The following DUSP16 variants were observed in gnomAD, a reference collection of about 807,000 sequenced individuals.
The protein encoded by DUSP16 is dual specificity phosphatase 16, also known as dual specificity protein phosphatase 16.
A neutral mutation model predicts 58.3 loss-of-function variants in DUSP16; 21 were observed. The observed-to-expected ratio is 0.36, with a 90% confidence interval of 0.26 to 0.52. DUSP16 has a LOEUF of 0.52. Ranked by LOEUF, DUSP16 falls within the 20% of genes least tolerant of loss-of-function variation. The probability of loss-of-function intolerance (pLI) is 0.94; values close to 1 mark genes in which losing one functional copy is unlikely to be tolerated. For missense variants in DUSP16, 726 were observed against 819.0 expected (o/e 0.89, Z 1.39); for synonymous variants, 320 against 323.8 (o/e 0.99, Z 0.12).
intron 3 of DUSP16, among the ~76,000 whole-genome samples, chr12:12,515,633 G>A (rs1039028082): frequency 6.6e-6 from 1 of 150,966 alleles, no homozygotes; most frequent in Non-Finnish European, 1.5e-5. Flanking sequence ...TGGCCAATAT[G>A]AATTCTTAAG....
intron 1 of DUSP16, among the ~76,000 whole-genome samples, chr12:12,541,997 C>T (rs1944566318): frequency 6.6e-6 from 1 of 152,130 alleles, no homozygotes; most frequent in Admixed American, 6.5e-5. Context: ...ATACCAGCTA[C>T]AATATGGGAG....
chr12:12,540,944 C>CTTTTTTTTTTTTTTTTTTTTTTTTT (rs1199026965), intron 1 of DUSP16, among the ~76,000 whole-genome samples: 1 of 100,686 alleles, frequency 9.9e-6, no homozygotes, highest in Non-Finnish European at 1.9e-5. Flanking sequence ...CTTTTCTTTT[C>CTTTTTTTTTTTTTTTTTTTTTTTTT]TTTTCTTTTT....
intron 2 of DUSP16, 99 bp downstream of exon 2, chr12:12,520,772 T>C (rs1316836564): frequency 4.9e-6 from 7 of 1,424,632 alleles, no homozygotes; most frequent in Non-Finnish European, 6.6e-6. Context: ...CAAAACTTCC[T>C]CAAATTACTT....
At chr12:12,479,503 G>A (rs137886801) in intron 6 of DUSP16, among the ~76,000 whole-genome samples, 1 of 152,268 alleles carries the variant, frequency 6.6e-6, no homozygotes, top group Non-Finnish European at 1.5e-5. Context: ...ACGTCCTCCA[G>A]GCTGCTGACT....
chr12:12,537,350 A>G, intron 1 of DUSP16, among the ~76,000 whole-genome samples: 1 of 152,224 alleles, frequency 6.6e-6, no homozygotes, highest in East Asian at 1.9e-4. Flanking sequence ...ACATAGCCCT[A>G]TGACAGCAAT....
At chr12:12,489,539 C>T (rs769023045) in intron 4 of DUSP16, among the ~76,000 whole-genome samples, 3 of 152,158 alleles carry the variant, frequency 2.0e-5, no homozygotes, top group African/African-American at 4.8e-5. Flanking sequence ...AATGGTACTA[C>T]AGATATGTTA....
At chr12:12,530,788 T>C (rs901380929) in intron 1 of DUSP16, among the ~76,000 whole-genome samples, 9 of 152,328 alleles carry the variant, frequency 5.9e-5, no homozygotes, top group Non-Finnish European at 1.0e-4. Flanking sequence ...ATCTTAGTTT[T>C]ACAACATGGA....
At chr12:12,487,620 C>G (rs961508988) in intron 4 of DUSP16, among the ~76,000 whole-genome samples, 3 of 152,166 alleles carry the variant, frequency 2.0e-5, no homozygotes, top group Admixed American at 6.5e-5. Context: ...GAAGGCTGCA[C>G]TTACTTCTGT....
At chr12:12,523,285 TAAA>T (rs1458284978) in intron 1 of DUSP16, among the ~76,000 whole-genome samples, 1 of 152,068 alleles carries the variant, frequency 6.6e-6, no homozygotes, top group African/African-American at 2.4e-5. Flanking sequence ...AGCTGGTAAA[TAAA>T]AAAGCAACTA....
chr12:12,505,262 T>G (rs1023318816), intron 3 of DUSP16, among the ~76,000 whole-genome samples: 5 of 152,232 alleles, frequency 3.3e-5, no homozygotes, highest in Non-Finnish European at 7.3e-5. Context: ...AGGGACAGCC[T>G]TGCTGATGAT....
intron 5 of DUSP16, 125 bp from the exon 6 acceptor site, chr12:12,480,471 T>C: frequency 9.2e-7 from 1 of 1,089,804 alleles, no homozygotes; most frequent in Middle Eastern, 2.3e-4. Flanking sequence ...TCTGTGTATA[T>C]CATATTTATC....
rs59499569 is a variant in DUSP16, at chr12:12,554,196, C to CAAA, written c.-366+7918_-366+7920dup. ...TGGGTGACAGAGTGAAACTGGGTCT[C>CAAA]AAAAAAAAAAAAAAAAAAAAAAAGC... is the stretch of plus-strand genomic sequence containing the variant. On this transcript the variant is annotated intron_variant, in intron 1 of 6. Coordinates refer to ENST00000298573, the MANE Select transcript of DUSP16 (RefSeq NM_030640.3). 5.1e-3 allele frequency among the ~76,000 whole-genome samples: 333 copies of CAAA among 65,864 alleles called. 7 individuals are homozygous for CAAA. Among genetic ancestry groups the CAAA allele is most frequent in the Middle Eastern group, 0.012 (1 of 84 alleles). 43.2% of individuals were successfully genotyped at this position (65,864 alleles called of 152,430 possible).
chr12:12,483,459 A>G lies in DUSP16; in HGVS notation c.692-3113T>C, dbSNP rs147775570. Among the ~76,000 whole-genome samples, 5 of 151,898 alleles carry G rather than the reference A, an allele frequency of 3.3e-5. 1 individual carries two copies. The East Asian group carries it at 7.8e-4, about 24-fold the overall frequency. ...CTCACAATATCCCTGTAAGGTAGGTATATTACCTTCAGTTTCCAGATCAAG... is the reference window on the plus strand; with the variant it reads ...CTCACAATATCCCTGTAAGGTAGGTGTATTACCTTCAGTTTCCAGATCAAG... On this transcript the variant is annotated intron_variant, in intron 5 of 6. Transcript: ENST00000298573.
intron 1 of DUSP16, among the ~76,000 whole-genome samples, chr12:12,530,345 A>G (rs1034060113): frequency 6.6e-6 from 1 of 152,122 alleles, no homozygotes; most frequent in African/African-American, 2.4e-5. Flanking sequence ...CCATTTTTCA[A>G]CCAAGTTACT....
At chr12:12,550,314 A>G (rs1466122663) in intron 1 of DUSP16, among the ~76,000 whole-genome samples, 1 of 151,904 alleles carries the variant, frequency 6.6e-6, no homozygotes, top group Non-Finnish European at 1.5e-5. Context: ...CTCTAAAAAG[A>G]TGTCAGCACA....
At chr12:12,501,160 C>T (rs1040581499) in intron 3 of DUSP16, among the ~76,000 whole-genome samples, 2 of 152,136 alleles carry the variant, frequency 1.3e-5, no homozygotes, top group Non-Finnish European at 1.5e-5. Flanking sequence ...AATCTTCTTA[C>T]CATACAAATT....
intron 1 of DUSP16, among the ~76,000 whole-genome samples, chr12:12,557,033 A>G (rs1944815996): frequency 6.6e-6 from 1 of 152,242 alleles, no homozygotes; most frequent in African/African-American, 2.4e-5. Flanking sequence ...CTAAGAATAT[A>G]GCCCAATACG....
At position 12,477,598 on chromosome 12, in the gene DUSP16, G is replaced by A. The variant is rs771041816; in HGVS notation, c.1233C>T (p.Ala411=). 6.2e-7 allele frequency: 1 copy of A among 1,614,096 alleles called. No individual in the cohort carries two copies. Among genetic ancestry groups the A allele is most frequent in the Admixed American group, 1.7e-5 (1 of 60,002 alleles). The part of the protein sequence containing the change: ...SLDIKSVSYS[A]SMAASLHGFS... ...AGCCATGTAAGGATGCTGCCATGCT[G>A]GCTGAATATGAAACTGATTTGATAT... is the stretch of plus-strand genomic sequence containing the variant. The change falls in exon 7 of 7, where the codon GCC becomes GCT. Residue 411 remains alanine, a synonymous_variant. Coordinates refer to ENST00000298573, the MANE Select transcript of DUSP16 (RefSeq NM_030640.3). The surrounding 1 kb of genome is among the most constrained non-coding windows in gnomAD (Gnocchi z 4.1).
chr12:12,537,669 C>CAA (rs1944487982), intron 1 of DUSP16, among the ~76,000 whole-genome samples: 2 of 152,216 alleles, frequency 1.3e-5, no homozygotes, highest in Non-Finnish European at 2.9e-5. Context: ...CAAAGCTCCA[C>CAA]AGTCTAATTC....
Sources: allele counts gnomAD v4.1 joint callset (sites outside exome capture counted in the v4.1 genomes callset), GRCh38; gene constraint gnomAD v4.1.1; non-coding constraint Gnocchi (gnomAD v3.1); transcripts MANE v1.5; gene names NCBI Gene and HGNC (gene_info 2026-07-23, HGNC 2026-07-21).